Variants in PRDX3 observed in about 807,000 individuals in gnomAD.
The protein encoded by PRDX3 is peroxiredoxin 3, also known as thioredoxin-dependent peroxide reductase, mitochondrial.
In PRDX3, 20 loss-of-function variants were observed where a neutral mutation model predicts 30.4. The ratio of observed to expected loss-of-function variants is 0.66; its 90% confidence interval spans 0.46 to 0.96. The LOEUF (loss-of-function observed/expected upper bound fraction) is 0.96. Ranked by LOEUF, PRDX3 falls within the 40% of genes least tolerant of loss-of-function variation. The pLI is 0.00. For synonymous variants in PRDX3, 124 were observed against 117.8 expected (o/e 1.05, Z -0.34); for missense variants, 322 against 318.3 (o/e 1.01, Z -0.09).
At chr10:119,169,001 G>A (rs936871729) in intron 6 of PRDX3, among the ~76,000 whole-genome samples, 176 bp downstream of exon 6, 1 of 149,748 alleles carries the variant, frequency 6.7e-6, no homozygotes, top group Non-Finnish European at 1.5e-5. Context: ...GCCTGTCTCT[G>A]ATAATTGGTT....
At chr10:119,173,516 G>A (rs1226202820) in intron 4 of PRDX3, among the ~76,000 whole-genome samples, 1 of 152,024 alleles carries the variant, frequency 6.6e-6, no homozygotes, top group African/African-American at 2.4e-5. Flanking sequence ...AGCTGAGGTA[G>A]GAGAATCGCT....
At chr10:119,171,841 G>A (rs1847914944) in intron 5 of PRDX3, among the ~76,000 whole-genome samples, 1 of 152,186 alleles carries the variant, frequency 6.6e-6, no homozygotes, top group Non-Finnish European at 1.5e-5. Flanking sequence ...TGGTTCCAGG[G>A]CTGAAGATGG....
Position 119,178,762 on chromosome 10 carries a change from C to G in PRDX3, c.29G>C (p.Arg10Pro), listed in dbSNP as rs753546422. The G allele has an allele frequency of 3.2e-6, 5 of 1,552,590 alleles. No homozygotes were observed. The highest frequency in any genetic ancestry group is 1.2e-5 in the South Asian group (1 of 84,200). Residue 10 changes from arginine (R) to proline (P), a missense_variant, in exon 1 of 7, where the codon CGA becomes CCA. Arg to Pro is a moderately radical substitution (Grantham distance 103, BLOSUM62 -2). Coordinates refer to ENST00000298510, the MANE Select transcript of PRDX3 (RefSeq NM_006793.5). ...CAGCCGACAGCCACTCACCGACGCT[C>G]GGAGCAACCGTCCTACAGCAGCCGC... MAAAVGRLLRASVARHVSAI... is the reference protein window; with the variant it reads MAAAVGRLLPASVARHVSAI...
chr10:119,173,270 G>A (rs1170818986), intron 4 of PRDX3, among the ~76,000 whole-genome samples: 1 of 152,026 alleles, frequency 6.6e-6, no homozygotes, highest in African/African-American at 2.4e-5. Flanking sequence ...TTCTTTTAAA[G>A]GCTAATTTTC....
Position 119,177,097 on chromosome 10 carries a change from C to A in PRDX3, c.93G>T (p.Arg31Ser), listed in dbSNP as rs754054596. The A allele has an allele frequency of 6.2e-7, 1 of 1,613,920 alleles. No homozygotes were observed. Residue 31 changes from arginine (R) to serine (S), a missense_variant, in exon 2 of 7, where the codon AGG becomes AGT. Arg to Ser is a moderately radical substitution (Grantham distance 110, BLOSUM62 -1). Transcript: ENST00000298510. ...AGCTCGTTCTTCCACATGCAGCAGG[C>A]CTGAGGGCTGCAGTGGCAGAAATGC... ...PWGISATAAL[R>S]PAACGRTSLT...
At chr10:119,176,549 A>G (rs1848031870) in intron 2 of PRDX3, among the ~76,000 whole-genome samples, 1 of 152,174 alleles carries the variant, frequency 6.6e-6, no homozygotes, top group Non-Finnish European at 1.5e-5. Flanking sequence ...GTAAATCTCA[A>G]GAAACAGCTA....
intron 6 of PRDX3, 80 bp downstream of exon 6, chr10:119,169,097 C>CT: frequency 6.7e-7 from 1 of 1,490,482 alleles, no homozygotes; most frequent in Non-Finnish European, 9.2e-7. Flanking sequence ...GAGTGGGCTC[C>CT]CTTTTGTGGA....
At chr10:119,171,330 G>A (rs960573133) in intron 5 of PRDX3, among the ~76,000 whole-genome samples, 9 of 151,734 alleles carry the variant, frequency 5.9e-5, no homozygotes, top group Non-Finnish European at 1.3e-4. Flanking sequence ...CTGAGCCACC[G>A]CGCCCGGCCA....
rs755497166 is a variant in PRDX3, at chr10:119,173,738, T to G, written c.446A>C (p.Lys149Thr). 2.5e-6 allele frequency: 4 copies of G among 1,611,636 alleles called. No homozygotes were observed. The highest frequency in any genetic ancestry group is 2.5e-6 in the Non-Finnish European group (3 of 1,179,792). Residue 149 changes from lysine (K) to threonine (T), a missense_variant and splice_region_variant, in exon 4 of 7, where the codon AAG becomes ACG. Transcript: ENST00000298510. ...SHLAWINTPR[K>T]NGGLGHMNIA... is the part of the protein sequence containing the mutation. ...AAAGCTAGGGGTACAATGCCATACC[T>G]TTCTTGGTGTATTTATCCAGGCAAG...
At chr10:119,173,070 C>G (rs1370541542) in intron 4 of PRDX3, among the ~76,000 whole-genome samples, 1 of 152,062 alleles carries the variant, frequency 6.6e-6, no homozygotes, top group Non-Finnish European at 1.5e-5. Context: ...TCCCGAGTAG[C>G]TGGGACTACA....
At chr10:119,169,485 G>A in intron 5 of PRDX3, 143 bp from the exon 6 acceptor site, 1 of 711,168 alleles carries the variant, frequency 1.4e-6, no homozygotes, top group Non-Finnish European at 2.2e-6. Flanking sequence ...GGTTTTCACT[G>A]TTGTGCAAAA....
intron 4 of PRDX3, among the ~76,000 whole-genome samples, chr10:119,172,720 T>TAG (rs1158267714): frequency 1.3e-5 from 2 of 151,998 alleles, no homozygotes; most frequent in Admixed American, 6.6e-5. Context: ...AGGTCACAGC[T>TAG]AGAAAGGAGC....
intron 1 of PRDX3, 86 bp downstream of exon 1, chr10:119,178,669 G>A: frequency 6.8e-7 from 1 of 1,480,658 alleles, no homozygotes; most frequent in South Asian, 1.2e-5. Flanking sequence ...TGGCCCTCAT[G>A]CCCAGAAGCG....
At chr10:119,169,025 C>A in intron 6 of PRDX3, 152 bp downstream of exon 6, 2 of 808,790 alleles carry the variant, frequency 2.5e-6, no homozygotes, top group Non-Finnish European at 3.9e-6. Context: ...GGCTCCCCAC[C>A]CCACCCCCTC....
chr10:119,177,080 C>T lies in PRDX3; in HGVS notation c.110G>A (p.Arg37Lys). ...ACACAATAAATTTGTCAAGCTCGTT[C>T]TTCCACATGCAGCAGGCCTGAGGGC... is the stretch of plus-strand genomic sequence containing the variant. ...TAALRPAACG[R>K]TSLTNLLCSG... Residue 37 changes from arginine to lysine, a missense_variant, in exon 2 of 7, where the codon AGA becomes AAA. Transcript: ENST00000298510. 1 of 1,614,104 alleles carries T rather than the reference C, an allele frequency of 6.2e-7. No homozygotes were observed. The highest frequency in any genetic ancestry group is 8.5e-7 in the Non-Finnish European group (1 of 1,179,956).
At chr10:119,177,218 C>T (rs1372674751) in intron 1 of PRDX3, 65 bp from the exon 2 acceptor site, 14 of 1,558,310 alleles carry the variant, frequency 9.0e-6, no homozygotes, top group Admixed American at 3.4e-5. Flanking sequence ...GAAAGGGCAT[C>T]GTGCCAACGG....
In PRDX3 at chr10:119,173,769, TA is replaced by T. The variant is rs1204566421; in HGVS notation, c.414del (p.Phe138LeufsTer7). The T allele has an allele frequency of 2.5e-6, 4 of 1,612,356 alleles. No individual in the cohort carries two copies. The highest frequency in any genetic ancestry group is 3.4e-6 in the Non-Finnish European group (4 of 1,179,938). ...EVVAVSVDSH[F>X]SHLAWINTPR... ...GGTGTATTTATCCAGGCAAGATGGC[TA>T]AAGTGGGAATCCACTGAGACTGCGA... On this transcript the variant is annotated frameshift_variant, in exon 4 of 7. Coordinates refer to ENST00000298510, the MANE Select transcript of PRDX3 (RefSeq NM_006793.5). LOFTEE classifies it high-confidence loss of function.
intron 3 of PRDX3, among the ~76,000 whole-genome samples, 164 bp downstream of exon 3, chr10:119,174,287 A>G (rs1326336558): frequency 1.3e-5 from 2 of 152,208 alleles, no homozygotes; most frequent in Non-Finnish European, 2.9e-5. Context: ...TCACTTGTAA[A>G]CAAGCTACAG....
chr10:119,170,407 T>A (rs568175969), intron 5 of PRDX3: 9 of 152,178 alleles, frequency 5.9e-5, no homozygotes, highest in African/African-American at 1.9e-4. Flanking sequence ...AAAGTCTTTA[T>A]CTTATAAGCC....
Sources: gnomAD v4.1 joint callset for allele counts (sites outside exome capture counted in the v4.1 genomes callset) on GRCh38, gnomAD v4.1.1 for gene constraint, MANE v1.5 for transcripts, NCBI Gene and HGNC (gene_info 2026-07-23, HGNC 2026-07-21) for gene names.